The following TPH1 variants were observed in gnomAD, a reference collection of about 807,000 sequenced individuals.
TPH1 encodes tryptophan hydroxylase 1.
TPH1 carries 37 observed loss-of-function variants against 49.5 expected under a neutral mutation model. The observed-to-expected ratio is 0.75, with a 90% CI of 0.58 to 0.98. The LOEUF is 0.98. TPH1 is among the 50% of genes least tolerant of loss of function. The pLI, the probability that TPH1 is intolerant of heterozygous loss-of-function variation, is 0.00. For synonymous variants in TPH1, 160 were observed against 182.1 expected (o/e 0.88, Z 0.98); for missense variants, 487 against 523.6 (o/e 0.93, Z 0.68).
chr11:18,034,454 G>A (rs1848024310), intron 3 of TPH1, among the ~76,000 whole-genome samples: 1 of 152,170 alleles, frequency 6.6e-6, no homozygotes, highest in South Asian at 2.1e-4. Context: ...CTAGGCTTCT[G>A]CTCTGCAAGG....
intron 1 of TPH1, among the ~76,000 whole-genome samples, chr11:18,043,830 C>T (rs1848118630): frequency 6.6e-6 from 1 of 151,522 alleles, no homozygotes; most frequent in South Asian, 2.1e-4. Flanking sequence ...CGCGCCACTG[C>T]AGTCCAGCCT....
At chr11:18,031,963 G>A (rs559624897) in intron 4 of TPH1, among the ~76,000 whole-genome samples, 2 of 152,014 alleles carry the variant, frequency 1.3e-5, no homozygotes, top group Non-Finnish European at 2.9e-5. Context: ...ACATATGTGT[G>A]CTTTAGCTTT....
intron 3 of TPH1, among the ~76,000 whole-genome samples, chr11:18,035,735 AC>A (rs1287694943): frequency 2.0e-5 from 3 of 151,596 alleles, no homozygotes; most frequent in Non-Finnish European, 4.4e-5. Context: ...TGTTTCTTAT[AC>A]TCAAGATTTT....
At chr11:18,030,221 C>A (rs895729608) in intron 4 of TPH1, among the ~76,000 whole-genome samples, 6 of 151,374 alleles carry the variant, frequency 4.0e-5, no homozygotes, top group African/African-American at 1.2e-4. Flanking sequence ...CCAGCCTGGG[C>A]AACAAAGGGA....
intron 7 of TPH1, among the ~76,000 whole-genome samples, chr11:18,025,924 C>A (rs1027381989): frequency 6.6e-6 from 1 of 151,984 alleles, no homozygotes; most frequent in Non-Finnish European, 1.5e-5. Flanking sequence ...TATGGACATC[C>A]ACATGCCACT....
chr11:18,041,470 G>A (rs1590268946), intron 1 of TPH1: 2 of 152,190 alleles, frequency 1.3e-5, no homozygotes, highest in East Asian at 3.9e-4. Context: ...ATCAGTGTAT[G>A]ACCTCGGGCA....
Position 18,021,062 on chromosome 11 carries a change from T to C in TPH1, c.1264A>G (p.Asn422Asp). Residue 422 changes from asparagine (N) to aspartate (D), a missense_variant, in exon 11 of 11, where the codon AAT becomes GAT. Transcript: ENST00000682019. ...ACATCGAGATCATGCTGCAGCTCATTCATGGCACTGGTTATGCTCTTGGTG... is the reference window on the plus strand; with the variant it reads ...ACATCGAGATCATGCTGCAGCTCATCCATGGCACTGGTTATGCTCTTGGTG... Reference protein sequence around the residue: ...KDTKSITSAMNELQHDLDVVS... With the variant: ...KDTKSITSAMDELQHDLDVVS... 4 of 1,614,138 alleles carry C rather than the reference T, an allele frequency of 2.5e-6. No homozygotes were observed. The highest frequency in any genetic ancestry group is 3.4e-6 in the Non-Finnish European group (4 of 1,179,996).
chr11:18,022,311 C>T (rs1224720570), intron 10 of TPH1, among the ~76,000 whole-genome samples: 1 of 152,202 alleles, frequency 6.6e-6, no homozygotes, highest in East Asian at 1.9e-4. Flanking sequence ...TCCTATATTT[C>T]TCAACATCCT....
At chr11:18,033,412 A>G (rs1433989682) in intron 3 of TPH1, 38 bp from the exon 4 acceptor site, 3 of 1,413,480 alleles carry the variant, frequency 2.1e-6, no homozygotes, top group East Asian at 2.3e-5. Flanking sequence ...AAAACCAGTA[A>G]AAGTTGAAGA....
intron 9 of TPH1, 108 bp downstream of exon 9, chr11:18,023,780 C>T (rs573478249): frequency 2.6e-6 from 2 of 772,818 alleles, no homozygotes; most frequent in African/African-American, 3.4e-5. Context: ...TTAGTGACAT[C>T]CCCAAGTATG....
intron 2 of TPH1, among the ~76,000 whole-genome samples, chr11:18,038,206 ATATAACT>A (rs145851777): frequency 0.029 from 4,365 of 152,282 alleles, 195 homozygotes; most frequent in African/African-American, 0.1. Flanking sequence ...CAGAATAAGC[ATATAACT>A]TATAAGTGTG....
rs1328800761 is a variant in TPH1 at position 18,029,157 on chromosome 11, C to T, written c.667+8G>A. 6.3e-7 allele frequency: 1 copy of T among 1,589,890 alleles called. No homozygotes were observed. Among genetic ancestry groups the T allele is most frequent in the South Asian group, 1.1e-5 (1 of 90,540 alleles). On this transcript the variant is annotated splice_region_variant and intron_variant, in intron 6 of 10. Coordinates refer to ENST00000682019, the MANE Select transcript of TPH1 (RefSeq NM_004179.3). ...AACTCCCTTACAAAAAATTAATTAGCTTATTACCTTTTAAAAAGTTGGAGA... is the reference window on the plus strand; with the variant it reads ...AACTCCCTTACAAAAAATTAATTAGTTTATTACCTTTTAAAAAGTTGGAGA...
chr11:18,045,441 A>G (rs1323233308), intron 1 of TPH1, among the ~76,000 whole-genome samples: 18 of 151,964 alleles, frequency 1.2e-4, no homozygotes, highest in African/African-American at 4.1e-4. Context: ...ACCACAGATT[A>G]TAACTTTACA....
chr11:18,035,827 C>T, intron 3 of TPH1, 132 bp downstream of exon 3: 12 of 702,686 alleles, frequency 1.7e-5, no homozygotes, highest in Non-Finnish European at 2.4e-5. Flanking sequence ...TTTTGTGTTC[C>T]CTTCACTATC....
Position 18,029,255 on chromosome 11 carries a change from A to T in TPH1, c.577T>A (p.Tyr193Asn). 3 of 1,613,888 alleles carry T rather than the reference A, an allele frequency of 1.9e-6. No homozygotes were observed. The highest frequency in any genetic ancestry group is 2.5e-6 in the Non-Finnish European group (3 of 1,179,882). ...GAAAGCAAAGGTAAGTTTTTGAGAT[A>T]CTCTCTGCAAGCATGGGTTGGGTAG... ...KLYPTHACREYLKNLPLLSKY... is the reference protein window; with the variant it reads ...KLYPTHACRENLKNLPLLSKY... The change falls in exon 6 of 11, where the codon TAT becomes AAT. Residue 193 changes from tyrosine to asparagine, a missense_variant. Physicochemically the swap from Tyr to Asn is moderately radical, Grantham distance 143. Coordinates refer to ENST00000682019, the MANE Select transcript of TPH1 (RefSeq NM_004179.3).
At position 18,022,878 on chromosome 11, in the gene TPH1, G is replaced by T. The variant is rs2134025160; in HGVS notation, c.1080C>A (p.Cys360Ter). Residue 360 changes from cysteine to a stop codon, truncating the protein, a stop_gained, in exon 10 of 11, where the codon TGC (cysteine) becomes TGA (stop). Transcript: ENST00000682019. LOFTEE classifies it high-confidence loss of function. Reference sequence around the variant, plus strand: ...AAGTTGTGATAAGACATTCCTGTTTGCAGGTAATCTTGGGATCAAAGGGCT... The same window carrying T: ...AAGTTGTGATAAGACATTCCTGTTTTCAGGTAATCTTGGGATCAAAGGGCT... ...KVKPFDPKIT[C>*]KQECLITTFQ... 1.2e-6 allele frequency: 2 copies of T among 1,613,630 alleles called. No homozygotes were observed. Among genetic ancestry groups the T allele is most frequent in the East Asian group, 4.5e-5 (2 of 44,852 alleles).
At chr11:18,044,515 G>A (rs1292361093) in intron 1 of TPH1, among the ~76,000 whole-genome samples, 2 of 151,542 alleles carry the variant, frequency 1.3e-5, no homozygotes, top group East Asian at 1.9e-4. Context: ...TAGAAAACTA[G>A]AAGAAAATTC....
In TPH1 at chr11:18,020,973, CT is replaced by C; in HGVS notation, c.*17del. 1.2e-6 allele frequency: 2 copies of C among 1,613,466 alleles called. No homozygotes were observed. Among genetic ancestry groups the C allele is most frequent in the Non-Finnish European group, 1.7e-6 (2 of 1,179,564 alleles). On this transcript the variant is annotated 3_prime_UTR_variant, in exon 11 of 11. Transcript: ENST00000682019. ...CCTCCGAATTGATGCTCAAATGTTC[CT>C]GGATGACTGGCTACTGTTAGATACT...
chr11:18,022,674 T>C, intron 10 of TPH1, 124 bp downstream of exon 10: 1 of 970,818 alleles, frequency 1.0e-6, no homozygotes. Flanking sequence ...AAGGAAGATG[T>C]GTTACAGACA....
Sources: gnomAD v4.1 joint callset for allele counts (sites outside exome capture counted in the v4.1 genomes callset) on GRCh38, gnomAD v4.1.1 for gene constraint, MANE v1.5 for transcripts, NCBI Gene and HGNC (gene_info 2026-07-23, HGNC 2026-07-21) for gene names.